Variants in LPP observed in about 807,000 individuals in gnomAD.
LPP encodes the protein lipoma-preferred partner.
Under a neutral mutation model 60.4 loss-of-function variants are expected in LPP, and 38 were observed. That is an observed-to-expected ratio of 0.63 (90% CI 0.49 to 0.83). LPP has a LOEUF of 0.83. Ranked by LOEUF, LPP falls within the 40% of genes least tolerant of loss-of-function variation. The probability of loss-of-function intolerance (pLI) is 0.00; values close to 1 mark genes in which losing one functional copy is unlikely to be tolerated. For missense variants in LPP, 902 were observed against 783.6 expected (o/e 1.15, Z -1.80); for synonymous variants, 328 against 290.8 (o/e 1.13, Z -1.30).
At chr3:188,803,570 A>T (rs1747997329) in intron 9 of LPP, among the ~76,000 whole-genome samples, 1 of 152,202 alleles carries the variant, frequency 6.6e-6, no homozygotes, top group Non-Finnish European at 1.5e-5. Flanking sequence ...TTGTAATTTA[A>T]TTAATCTTAT....
intron 1 of LPP, among the ~76,000 whole-genome samples, chr3:188,213,930 A>C (rs1345741634): frequency 6.8e-6 from 1 of 146,546 alleles, no homozygotes; most frequent in Non-Finnish European, 1.5e-5. Context: ...ATGCCCATTC[A>C]AAGGTGAGTC....
intron 4 of LPP, among the ~76,000 whole-genome samples, chr3:188,461,982 A>C (rs1157432131): frequency 6.6e-6 from 1 of 152,158 alleles, no homozygotes; most frequent in African/African-American, 2.4e-5. Flanking sequence ...TTAAAGTTTG[A>C]TATTTACCAA....
At chr3:188,405,243 G>T (rs1783176168) in intron 3 of LPP, among the ~76,000 whole-genome samples, 1 of 152,096 alleles carries the variant, frequency 6.6e-6, no homozygotes, top group Non-Finnish European at 1.5e-5. Context: ...CCCTTGGTGG[G>T]GACCAGAGCT....
At chr3:188,709,939 A>G (rs1384383333) in intron 8 of LPP, 1 of 152,246 alleles carries the variant, frequency 6.6e-6, no homozygotes, top group Non-Finnish European at 1.5e-5. Context: ...GTTTCTAAAT[A>G]TTAATCCTTT....
intron 3 of LPP, among the ~76,000 whole-genome samples, chr3:188,387,559 G>C (rs575281190): frequency 8.7e-6 from 1 of 114,840 alleles, no homozygotes; most frequent in East Asian, 2.7e-4. Flanking sequence ...ACACGGGTCA[G>C]AGGTTAATTT....
At chr3:188,426,988 G>A (rs1789546942) in intron 4 of LPP, among the ~76,000 whole-genome samples, 2 of 152,060 alleles carry the variant, frequency 1.3e-5, no homozygotes, top group Admixed American at 1.3e-4. Flanking sequence ...ATTTTTTCCT[G>A]TCTATGATGC....
chr3:188,749,255 C>T (rs1727285427), intron 8 of LPP, among the ~76,000 whole-genome samples: 1 of 152,276 alleles, frequency 6.6e-6, no homozygotes, highest in East Asian at 1.9e-4. Flanking sequence ...TGGGAGATAG[C>T]TCTGTGCATC....
chr3:188,860,641 G>GAAAA (rs113944782), intron 9 of LPP, among the ~76,000 whole-genome samples: 13 of 150,636 alleles, frequency 8.6e-5, no homozygotes, highest in African/African-American at 2.7e-4. Context: ...TGGTTAAATA[G>GAAAA]AAAAAAAAAA....
At position 188,434,096 on chromosome 3, in the gene LPP, G is replaced by A. The variant is rs115541908; in HGVS notation, c.193+27783G>A. On this transcript the variant is annotated intron_variant, in intron 4 of 11. Coordinates refer to ENST00000617246, the MANE Select transcript of LPP (RefSeq NM_001375462.1). ...ACAGATGCTGTGATTAGTGTTCTAA[G>A]ACCTGTTTTTGAATTCTCTGCTTGT... Among the ~76,000 whole-genome samples the A allele has an allele frequency of 2.3e-3, 345 of 152,252 alleles. 1 individual carries two copies. The highest frequency in any genetic ancestry group is 8.0e-3 in the African/African-American group (332 of 41,548).
At chr3:188,711,135 ATTTAAG>A (rs1055491677) in intron 8 of LPP, 6 of 152,186 alleles carry the variant, frequency 3.9e-5, no homozygotes, top group African/African-American at 1.2e-4. Flanking sequence ...ATAATGCTCA[ATTTAAG>A]TTTAAGTTCC....
intron 4 of LPP, among the ~76,000 whole-genome samples, chr3:188,471,322 G>A (rs769735688): frequency 1.1e-4 from 16 of 152,104 alleles, no homozygotes; most frequent in Non-Finnish European, 1.6e-4. Context: ...TTTTAATCTA[G>A]CAACAGTTGT....
rs78662978 is a variant in LPP, at chr3:188,545,443, C to T, written c.429+20656C>T. Among the ~76,000 whole-genome samples the T allele has an allele frequency of 4.4e-3, 664 of 151,962 alleles. 9 individuals carry two copies. Among genetic ancestry groups the T allele is most frequent in the African/African-American group, 0.015 (638 of 41,452 alleles). On this transcript the variant is annotated intron_variant, in intron 6 of 11. Transcript: ENST00000617246. Reference sequence around the variant, plus strand: ...TTATCTCCATCTGTATCTGTATCAGCCATTTATTTCTGCTTGATAAATTAT... The same window carrying T: ...TTATCTCCATCTGTATCTGTATCAGTCATTTATTTCTGCTTGATAAATTAT...
At chr3:188,359,204 C>G (rs1034894631) in intron 3 of LPP, among the ~76,000 whole-genome samples, 1 of 152,204 alleles carries the variant, frequency 6.6e-6, no homozygotes, top group Non-Finnish European at 1.5e-5. Flanking sequence ...GGACAGCCAA[C>G]AGTCCCCTTT....
chr3:188,377,034 C>T (rs1465146153), intron 3 of LPP, among the ~76,000 whole-genome samples: 2 of 152,136 alleles, frequency 1.3e-5, no homozygotes, highest in Non-Finnish European at 2.9e-5. Flanking sequence ...AATATTGGTC[C>T]CCGCTCTCTT....
chr3:188,666,075 G>C (rs1052600990), intron 7 of LPP, among the ~76,000 whole-genome samples: 1 of 152,070 alleles, frequency 6.6e-6, no homozygotes, highest in Admixed American at 6.5e-5. Context: ...TACTAACTTT[G>C]CCAGATACTA....
intron 4 of LPP, among the ~76,000 whole-genome samples, chr3:188,480,689 G>A (rs895896306): frequency 5.3e-5 from 8 of 152,186 alleles, no homozygotes; most frequent in Admixed American, 1.3e-4. Context: ...TCTGAGAGGT[G>A]AGTTGCAATT....
At chr3:188,776,548 G>T (rs1737853180) in intron 9 of LPP, among the ~76,000 whole-genome samples, 1 of 152,146 alleles carries the variant, frequency 6.6e-6, no homozygotes, top group Admixed American at 6.5e-5. Context: ...TAGACTCATT[G>T]TCTTCCTCTG....
intron 8 of LPP, chr3:188,759,387 G>A (rs531521320): frequency 3.3e-5 from 5 of 152,324 alleles, no homozygotes; most frequent in East Asian, 1.9e-4. Flanking sequence ...AGGATGTGTG[G>A]ATGTTCAAAG....
intron 6 of LPP, among the ~76,000 whole-genome samples, chr3:188,557,027 C>A (rs1244281501): frequency 6.6e-6 from 1 of 152,058 alleles, no homozygotes; most frequent in Non-Finnish European, 1.5e-5. Context: ...GTATATCATG[C>A]AGGATAGTTG....
Sources: gnomAD v4.1 joint callset for allele counts (sites outside exome capture counted in the v4.1 genomes callset) on GRCh38, gnomAD v4.1.1 for gene constraint, MANE v1.5 for transcripts, NCBI Gene and HGNC (gene_info 2026-07-23, HGNC 2026-07-21) for gene names.